Variants in DNMT3L observed in about 807,000 individuals in gnomAD.
DNMT3L encodes the protein DNA methyltransferase 3 like, also known as DNA (cytosine-5)-methyltransferase 3-like.
A neutral mutation model predicts 36.2 loss-of-function variants in DNMT3L; 33 were observed. That is an observed-to-expected ratio of 0.91 (90% CI 0.69 to 1.22). DNMT3L has a LOEUF of 1.22. Among genes scored for constraint, DNMT3L ranks in the 50% most tolerant of loss-of-function variants. The pLI is 0.00. For missense variants in DNMT3L, 310 were observed against 303.1 expected (o/e 1.02, Z -0.17); for synonymous variants, 117 against 121.7 (o/e 0.96, Z 0.26).
At chr21:44,261,116 T>A (rs1486657121) in intron 2 of DNMT3L, 38 bp downstream of exon 2, 1 of 1,602,852 alleles carries the variant, frequency 6.2e-7, no homozygotes, top group African/African-American at 1.3e-5. Context: ...GGGATCAGCA[T>A]CCTAAGTGAC....
chr21:44,260,754 C>T lies in DNMT3L; in HGVS notation c.151+41G>A, dbSNP rs55984489. The T allele has an allele frequency of 1.6e-3, 2,604 of 1,612,566 alleles. 45 individuals carry two copies. The African/African-American group carries it at 0.031, about 19-fold the overall frequency. ...ATTATAGGTGTGAGCCACTGTGCCC[C>T]GTCTCTTTTGTCTGGTGTGGGCCAG... On this transcript the variant is annotated intron_variant, in intron 3 of 11. Transcript: ENST00000628202.
chr21:44,257,676 G>A (rs1412297448), intron 6 of DNMT3L, among the ~76,000 whole-genome samples: 8 of 86,300 alleles, frequency 9.3e-5, no homozygotes, highest in South Asian at 3.6e-4. Flanking sequence ...GCGAGACTCC[G>A]TCTCAAAAAA....
chr21:44,255,504 T>TAAAAA (rs1475359095), intron 7 of DNMT3L, among the ~76,000 whole-genome samples: 12 of 66,024 alleles, frequency 1.8e-4, no homozygotes, highest in Admixed American at 2.9e-4. Context: ...AGACTCCGCC[T>TAAAAA]CAAAAAAAAA....
intron 6 of DNMT3L, among the ~76,000 whole-genome samples, chr21:44,256,592 T>C (rs1197986370): frequency 6.9e-6 from 1 of 144,168 alleles, no homozygotes; most frequent in Non-Finnish European, 1.5e-5. Flanking sequence ...GCCCGGCTAA[T>C]TTTTGTATTT....
In DNMT3L at chr21:44,258,566, C is replaced by G. The variant is rs146821319; in HGVS notation, c.473G>C (p.Arg158Thr). The G allele has an allele frequency of 2.5e-6, 4 of 1,602,862 alleles. No individual in the cohort carries two copies. The highest frequency in any genetic ancestry group is 1.7e-5 in the Admixed American group (1 of 58,382). Residue 158 changes from arginine (R) to threonine (T), a missense_variant, in exon 6 of 12, where the codon AGG becomes ACG. Transcript: ENST00000628202. The surrounding 1 kb of genome is among the most constrained non-coding windows in gnomAD (Gnocchi z 6.2). ...SSRSGLLQRR[R>T]KWRSQLKAFY... ...GGCCTTGAGCTGGCTGCGCCACTTC[C>G]TCCGACGCTGCAGCAGCCCGCTTCG... is the stretch of plus-strand genomic sequence containing the variant.
chr21:44,255,727 C>A (rs1360144807), intron 7 of DNMT3L, among the ~76,000 whole-genome samples: 1 of 152,222 alleles, frequency 6.6e-6, no homozygotes, highest in Non-Finnish European at 1.5e-5. Flanking sequence ...CGGGATCAGG[C>A]TCCTGATCGG....
intron 3 of DNMT3L, 116 bp from the exon 4 acceptor site, chr21:44,259,827 A>G (rs2040300927): frequency 9.3e-7 from 1 of 1,073,014 alleles, no homozygotes. Flanking sequence ...ACTGCAAAGT[A>G]TTGTTGGAAG....
In DNMT3L at chr21:44,258,954, C is replaced by G. The variant is rs910414551; in HGVS notation, c.345-260G>C. Reference sequence around the variant, plus strand: ...CCAAGGAACCCCCTAAGCCACCTGTCTGCCCCCAAACTCGAGCCTGCAGAA... The same window carrying G: ...CCAAGGAACCCCCTAAGCCACCTGTGTGCCCCCAAACTCGAGCCTGCAGAA... On this transcript the variant is annotated intron_variant, in intron 5 of 11. Coordinates refer to ENST00000628202, the MANE Select transcript of DNMT3L (RefSeq NM_175867.3). This position sits in a 1 kb window ranked among gnomAD's most constrained non-coding sequence, Gnocchi z 6.2. 2.6e-5 allele frequency among the ~76,000 whole-genome samples: 4 copies of G among 152,142 alleles called. No homozygotes were observed. The highest frequency in any genetic ancestry group is 6.5e-5 in the Admixed American group (1 of 15,270).
rs199811319 is a variant in DNMT3L, at chr21:44,257,696, ATAAAT to A, written c.516+822_516+826del. ...ACTCCGTCTCAAAAAAAAAAAAAAA[ATAAAT>A]AAATAAATAAATAAATAAATAAAAA... On this transcript the variant is annotated intron_variant, in intron 6 of 11. Transcript: ENST00000628202. 9.1e-3 allele frequency among the ~76,000 whole-genome samples: 534 copies of A among 58,792 alleles called. 13 individuals are homozygous for A. Among genetic ancestry groups the A allele is most frequent in the Middle Eastern group, 0.024 (3 of 126 alleles). The allele number at this position is 58,792 out of a possible 152,430, so 38.6% of individuals were successfully genotyped here.
chr21:44,254,575 C>T, intron 8 of DNMT3L, 42 bp downstream of exon 8: 1 of 1,604,306 alleles, frequency 6.2e-7, no homozygotes, highest in Non-Finnish European at 8.5e-7. Flanking sequence ...GCTCGCACCC[C>T]CGCTCCCACT....
chr21:44,257,352 G>C (rs74366674), intron 6 of DNMT3L, among the ~76,000 whole-genome samples: 4,110 of 152,128 alleles, frequency 0.027, 117 homozygotes, highest in African/African-American at 0.066. Flanking sequence ...ACTCCAGCCT[G>C]GGCAGCAAGA....
At chr21:44,256,193 TAC>T in intron 6 of DNMT3L, 39 bp from the exon 7 acceptor site, 2 of 1,604,256 alleles carry the variant, frequency 1.2e-6, no homozygotes, top group Non-Finnish European at 1.7e-6. Context: ...TTGTGCCGGC[TAC>T]TTGGCTACAG....
At chr21:44,260,238 G>A (rs1018179446) in intron 3 of DNMT3L, among the ~76,000 whole-genome samples, 1 of 152,118 alleles carries the variant, frequency 6.6e-6, no homozygotes, top group Non-Finnish European at 1.5e-5. Flanking sequence ...GAAAGTCGAG[G>A]AGTGGTTGCC....
chr21:44,259,327 G>C (rs1415752863), intron 5 of DNMT3L, 110 bp downstream of exon 5: 6 of 1,118,816 alleles, frequency 5.4e-6, no homozygotes, highest in African/African-American at 1.5e-5. Context: ...GAAGCTCTCA[G>C]GGAAATCATC....
rs1230250076 is a variant in DNMT3L at position 44,258,644 on chromosome 21, C to T, written c.395G>A (p.Gly132Glu). Residue 132 changes from glycine (G) to glutamate (E), a missense_variant, in exon 6 of 12, where the codon GGG becomes GAG. Coordinates refer to ENST00000628202, the MANE Select transcript of DNMT3L (RefSeq NM_175867.3). This position sits in a 1 kb window ranked among gnomAD's most constrained non-coding sequence, Gnocchi z 6.2. ...VDSLVGPGTS[G>E]KVHAMSNWVC... ...CCAGTTGCTCATGGCGTGCACCTTC[C>T]CCGAGGTCCCGGGGCCGACCAGGCT... The T allele has an allele frequency of 1.2e-6, 2 of 1,612,912 alleles. No homozygotes were observed. Among genetic ancestry groups the T allele is most frequent in the South Asian group, 2.2e-5 (2 of 91,092 alleles).
Position 44,258,448 on chromosome 21 carries a change from T to C in DNMT3L, c.516+75A>G. On this transcript the variant is annotated intron_variant, in intron 6 of 11. Transcript: ENST00000628202. The surrounding 1 kb of genome is among the most constrained non-coding windows in gnomAD (Gnocchi z 6.2). ...GGTGCCCGTCGGCGCGCCTGCATTCTGCAGCGGGAACCGAGGGAAGGCCGT... is the reference window on the plus strand; with the variant it reads ...GGTGCCCGTCGGCGCGCCTGCATTCCGCAGCGGGAACCGAGGGAAGGCCGT... The C allele has an allele frequency of 6.8e-7, 1 of 1,469,712 alleles. No individual in the cohort carries two copies. Among genetic ancestry groups the C allele is most frequent in the African/African-American group, 1.4e-5 (1 of 70,870 alleles). 91.0% of individuals were successfully genotyped at this position (1,469,712 alleles called of 1,614,324 possible). A position where few individuals can be genotyped will look rare whatever the true frequency, so the allele number is the denominator to read the frequency against.
chr21:44,260,911 G>A, intron 2 of DNMT3L, 72 bp from the exon 3 acceptor site: 1 of 1,607,424 alleles, frequency 6.2e-7, no homozygotes, highest in Middle Eastern at 1.7e-4. Context: ...GCCAGGAAGT[G>A]AGCATCACAA....
In DNMT3L at chr21:44,258,009, G is replaced by T. The variant is rs2040278502; in HGVS notation, c.516+514C>A. 6.6e-6 allele frequency among the ~76,000 whole-genome samples: 1 copy of T among 152,232 alleles called. No homozygotes were observed. The highest frequency in any genetic ancestry group is 2.4e-5 in the African/African-American group (1 of 41,460). ...GCATTGAGGGCCCACCCTAAATCTG[G>T]AATGATCTCATCTCGTGATCCTTAA... On this transcript the variant is annotated intron_variant, in intron 6 of 11. Coordinates refer to ENST00000628202, the MANE Select transcript of DNMT3L (RefSeq NM_175867.3). This position sits in a 1 kb window ranked among gnomAD's most constrained non-coding sequence, Gnocchi z 6.2.
In DNMT3L at chr21:44,258,504, C is replaced by T. The variant is rs2040283296; in HGVS notation, c.516+19G>A. On this transcript the variant is annotated intron_variant, in intron 6 of 11. Coordinates refer to ENST00000628202, the MANE Select transcript of DNMT3L (RefSeq NM_175867.3). This position sits in a 1 kb window ranked among gnomAD's most constrained non-coding sequence, Gnocchi z 6.2. ...AGGGCCTGCTGCTGCCGGGTGCTGCCCCTCCACGGGCTCCTTACCGACTCT... is the reference window on the plus strand; with the variant it reads ...AGGGCCTGCTGCTGCCGGGTGCTGCTCCTCCACGGGCTCCTTACCGACTCT... 6.5e-7 allele frequency: 1 copy of T among 1,535,320 alleles called. No individual in the cohort carries two copies. The highest frequency in any genetic ancestry group is 8.8e-7 in the Non-Finnish European group (1 of 1,136,370).
Sources: gnomAD v4.1 joint callset for allele counts (sites outside exome capture counted in the v4.1 genomes callset) on GRCh38, gnomAD v4.1.1 for gene constraint, Gnocchi (gnomAD v3.1) non-coding constraint, MANE v1.5 for transcripts, NCBI Gene and HGNC (gene_info 2026-07-23, HGNC 2026-07-21) for gene names.